The following CNTN6 variants were observed in gnomAD, a reference collection of about 807,000 sequenced individuals.
CNTN6 encodes contactin 6.
CNTN6 carries 137 observed loss-of-function variants against 122.8 expected under a neutral mutation model. The observed-to-expected ratio is 1.12, with a 90% CI of 0.97 to 1.29. CNTN6 has a LOEUF of 1.29. Among genes scored for constraint, CNTN6 ranks in the 50% most tolerant of loss-of-function variants. The pLI is 0.00. For synonymous variants in CNTN6, 570 were observed against 426.0 expected (o/e 1.34, Z -4.16); for missense variants, 1,634 against 1,223.4 (o/e 1.34, Z -5.01).
chr3:1,101,052 G>A (rs1029251277), intron 1 of CNTN6, among the ~76,000 whole-genome samples: 1 of 152,044 alleles, frequency 6.6e-6, no homozygotes, highest in African/African-American at 2.4e-5. Context: ...GCATCGCATT[G>A]CTATTGATTC....
At position 1,174,186 on chromosome 3, in the gene CNTN6, C is replaced by A. The variant is rs1245981336; in HGVS notation, c.55+26123C>A. On this transcript the variant is annotated intron_variant, in intron 2 of 22. Coordinates refer to ENST00000446702, the MANE Select transcript of CNTN6 (RefSeq NM_001289080.2). ...GCTTGAGGCATTTCTCTGGTACCCACACAATACATTCGCTTTTACAGAGGC... is the reference window on the plus strand; with the variant it reads ...GCTTGAGGCATTTCTCTGGTACCCAAACAATACATTCGCTTTTACAGAGGC... Among the ~76,000 whole-genome samples the A allele has an allele frequency of 5.3e-5, 8 of 152,212 alleles. No homozygotes were observed. The East Asian group carries it at 1.2e-3, about 22-fold the overall frequency.
chr3:1,108,783 G>T (rs998474978), intron 1 of CNTN6, among the ~76,000 whole-genome samples: 1 of 151,912 alleles, frequency 6.6e-6, no homozygotes, highest in Non-Finnish European at 1.5e-5. Flanking sequence ...TAACTTTTTA[G>T]AAAAAGTTTT....
intron 11 of CNTN6, among the ~76,000 whole-genome samples, chr3:1,346,395 C>T (rs1240829109): frequency 6.6e-6 from 1 of 152,072 alleles, no homozygotes; most frequent in Non-Finnish European, 1.5e-5. Flanking sequence ...TGCATTAATG[C>T]CCTCCCTCTG....
intron 2 of CNTN6, among the ~76,000 whole-genome samples, chr3:1,188,111 G>A (rs2093654359): frequency 6.6e-6 from 1 of 152,052 alleles, no homozygotes; most frequent in African/African-American, 2.4e-5. Flanking sequence ...ATGACCCAAT[G>A]ATGCAAGCAA....
At chr3:1,395,364 G>A (rs1225304090) in intron 20 of CNTN6, among the ~76,000 whole-genome samples, 1 of 152,146 alleles carries the variant, frequency 6.6e-6, no homozygotes, top group Admixed American at 6.6e-5. Context: ...ATGTGCTCAA[G>A]GGCTGCACTA....
intron 4 of CNTN6, among the ~76,000 whole-genome samples, chr3:1,229,939 C>T (rs1329017585): frequency 2.0e-5 from 3 of 152,134 alleles, no homozygotes; most frequent in Non-Finnish European, 4.4e-5. Context: ...GCTCTAAGAG[C>T]TTGCAAAAGC....
intron 2 of CNTN6, among the ~76,000 whole-genome samples, chr3:1,163,548 A>C (rs1025878560): frequency 6.6e-6 from 1 of 152,132 alleles, no homozygotes; most frequent in Non-Finnish European, 1.5e-5. Context: ...AGTAGCTGGG[A>C]CTGCAGGCAC....
intron 4 of CNTN6, among the ~76,000 whole-genome samples, chr3:1,255,609 T>A (rs1470969469): frequency 1.3e-5 from 2 of 152,116 alleles, no homozygotes; most frequent in African/African-American, 4.8e-5. Context: ...ATGTATTATT[T>A]AATTGATGAC....
At chr3:1,323,013 A>G (rs1701072657) in intron 8 of CNTN6, among the ~76,000 whole-genome samples, 2 of 151,678 alleles carry the variant, frequency 1.3e-5, no homozygotes, top group Admixed American at 1.3e-4. Flanking sequence ...TTAAAGAAAT[A>G]TTTTCCATTT....
At chr3:1,299,558 T>C (rs9863692) in intron 7 of CNTN6, among the ~76,000 whole-genome samples, 2,604 of 152,272 alleles carry the variant, frequency 0.017, 86 homozygotes, top group African/African-American at 0.059. Flanking sequence ...ATATATATAA[T>C]TGTCATAATC....
In CNTN6 at chr3:1,348,157, C is replaced by CAAA. The variant is rs532282828; in HGVS notation, c.1365-4150_1365-4148dup. On this transcript the variant is annotated intron_variant, in intron 11 of 22. Coordinates refer to ENST00000446702, the MANE Select transcript of CNTN6 (RefSeq NM_001289080.2). ...AATATTAGTATTTCTATGCTATAGA[C>CAAA]AAAAAAAAAAAAAAAAAAAGGACTT... Among the ~76,000 whole-genome samples the CAAA allele has an allele frequency of 3.8e-3, 242 of 64,272 alleles. 13 individuals are homozygous for CAAA. The highest frequency in any genetic ancestry group is 0.015 in the African/African-American group (216 of 14,592). The allele number at this position is 64,272 out of a possible 152,430, so 42.2% of individuals were successfully genotyped here.
chr3:1,220,631 T>G, intron 2 of CNTN6, 56 bp from the exon 3 acceptor site: 1 of 1,485,012 alleles, frequency 6.7e-7, no homozygotes, highest in East Asian at 2.3e-5. Flanking sequence ...AATATAGACT[T>G]GCATTCAAAA....
At chr3:1,211,007 C>T (rs1232759479) in intron 2 of CNTN6, among the ~76,000 whole-genome samples, 1 of 152,210 alleles carries the variant, frequency 6.6e-6, no homozygotes, top group Non-Finnish European at 1.5e-5. Flanking sequence ...GACCCACTGA[C>T]TTCCAGGTTC....
intron 1 of CNTN6, among the ~76,000 whole-genome samples, chr3:1,143,166 C>G (rs892793003): frequency 2.3e-4 from 35 of 151,996 alleles, no homozygotes; most frequent in African/African-American, 8.2e-4. Context: ...ATAAATTTTG[C>G]TACCAAGCTT....
chr3:1,285,261 A>G (rs1334793277), intron 5 of CNTN6, among the ~76,000 whole-genome samples: 1 of 152,252 alleles, frequency 6.6e-6, no homozygotes, highest in African/African-American at 2.4e-5. Flanking sequence ...GGAGAAAAGT[A>G]AAAGATAACT....
At chr3:1,264,636 G>A (rs1463387639) in intron 4 of CNTN6, among the ~76,000 whole-genome samples, 2 of 152,004 alleles carry the variant, frequency 1.3e-5, no homozygotes, top group African/African-American at 4.8e-5. Flanking sequence ...GTATTTTGAT[G>A]TATCTTTAGA....
chr3:1,257,512 T>C (rs539118250), intron 4 of CNTN6, among the ~76,000 whole-genome samples: 7 of 152,130 alleles, frequency 4.6e-5, no homozygotes, highest in Non-Finnish European at 1.0e-4. Context: ...TTTTTTGTAA[T>C]GAGCCTGAGG....
chr3:1,106,972 C>G (rs2091255236), intron 1 of CNTN6, among the ~76,000 whole-genome samples: 1 of 152,088 alleles, frequency 6.6e-6, no homozygotes, highest in Admixed American at 6.6e-5. Context: ...CATTATCTAT[C>G]TATCTATCTC....
At chr3:1,172,723 T>C (rs2093380463) in intron 2 of CNTN6, among the ~76,000 whole-genome samples, 1 of 152,042 alleles carries the variant, frequency 6.6e-6, no homozygotes. Context: ...ATGAACTATG[T>C]CCCAGTGGAT....
Sources: gnomAD v4.1 joint callset for allele counts (sites outside exome capture counted in the v4.1 genomes callset) on GRCh38, gnomAD v4.1.1 for gene constraint, MANE v1.5 for transcripts, NCBI Gene and HGNC (gene_info 2026-07-23, HGNC 2026-07-21) for gene names.